The following SLC24A2 variants were observed in gnomAD, a reference collection of about 807,000 sequenced individuals.
SLC24A2 encodes sodium/potassium/calcium exchanger 2.
In SLC24A2, 36 loss-of-function variants were observed where a neutral mutation model predicts 62.0. That is an observed-to-expected ratio of 0.58 (90% confidence interval 0.44 to 0.77). SLC24A2 has a LOEUF of 0.77. SLC24A2 is among the 30% of genes least tolerant of loss of function. The pLI is 0.00. For missense variants in SLC24A2, 846 were observed against 817.9 expected (o/e 1.03, Z -0.42); for synonymous variants, 358 against 294.0 (o/e 1.22, Z -2.23).
chr9:19,627,361 G>A (rs995347654), intron 2 of SLC24A2, among the ~76,000 whole-genome samples: 8 of 152,120 alleles, frequency 5.3e-5, no homozygotes, highest in Admixed American at 2.6e-4. Flanking sequence ...AGATATCTTC[G>A]CCAATATGGA....
At chr9:20,057,295 C>A in the SLC24A2 span, among the ~76,000 whole-genome samples, 1 of 152,156 alleles carries the variant, frequency 6.6e-6, no homozygotes, top group Non-Finnish European at 1.5e-5. Flanking sequence ...ATTAGTAACC[C>A]ATTCCCTAAT....
At chr9:20,184,027 G>A in the SLC24A2 span, among the ~76,000 whole-genome samples, 14,647 of 152,038 alleles carry the variant, frequency 0.096, 876 homozygotes, top group Non-Finnish European at 0.14. Flanking sequence ...TCTGATAAGG[G>A]GTTAATACAC....
At chr9:20,281,631 T>C in the SLC24A2 span, among the ~76,000 whole-genome samples, 8 of 152,250 alleles carry the variant, frequency 5.3e-5, no homozygotes, top group Non-Finnish European at 8.8e-5. Context: ...GTCAGATTTA[T>C]CCATAATGTT....
chr9:20,161,537 A>G, the SLC24A2 span, among the ~76,000 whole-genome samples: 1 of 151,402 alleles, frequency 6.6e-6, no homozygotes, highest in Admixed American at 6.6e-5. Context: ...TTATCAAGTG[A>G]GGTTTATCTA....
the SLC24A2 span, among the ~76,000 whole-genome samples, chr9:19,850,035 T>TTG: frequency 1.3e-5 from 2 of 151,368 alleles, no homozygotes; most frequent in Admixed American, 6.6e-5. Flanking sequence ...TTTTTTTTTT[T>TTG]GTAGGATGAA....
intron 2 of SLC24A2, among the ~76,000 whole-genome samples, chr9:19,666,596 G>A (rs1819260373): frequency 6.6e-6 from 1 of 152,140 alleles, no homozygotes; most frequent in African/African-American, 2.4e-5. Context: ...TATTTTTAGT[G>A]CAGAGTTTAG....
the SLC24A2 span, among the ~76,000 whole-genome samples, chr9:20,243,720 A>G: frequency 6.6e-6 from 1 of 152,224 alleles, no homozygotes; most frequent in Non-Finnish European, 1.5e-5. Flanking sequence ...ATAAAAGGAA[A>G]GCAGAGCAAA....
At chr9:20,092,935 G>C in the SLC24A2 span, among the ~76,000 whole-genome samples, 4 of 152,058 alleles carry the variant, frequency 2.6e-5, no homozygotes, top group Non-Finnish European at 5.9e-5. Context: ...GTGATATATG[G>C]CAAATAGTTT....
chr9:20,105,540 A>G, the SLC24A2 span, among the ~76,000 whole-genome samples: 294 of 152,114 alleles, frequency 1.9e-3, no homozygotes, highest in African/African-American at 6.7e-3. Flanking sequence ...CAGGATTAAG[A>G]ATCTCACTCA....
chr9:19,770,230 C>A (rs1822643471), intron 2 of SLC24A2, among the ~76,000 whole-genome samples: 1 of 151,794 alleles, frequency 6.6e-6, no homozygotes. Flanking sequence ...GATCTTCTGG[C>A]ATCTATTTGG....
chr9:19,511,643 TA>T lies in SLC24A2; in HGVS notation c.*4509del, dbSNP rs1016684408. 2 of 152,166 alleles carry T rather than the reference TA, an allele frequency of 1.3e-5. No individual in the cohort carries two copies. Among genetic ancestry groups the T allele is most frequent in the Non-Finnish European group, 2.9e-5 (2 of 68,034 alleles). 9.4% of individuals were successfully genotyped at this position (152,166 alleles called of 1,614,324 possible). Reference sequence around the variant, plus strand: ...GTATAGGGGTTGAGGAGGTATCTTTTAAAAATATTAAGCCGGATCGTTAAGG... The same window carrying T: ...GTATAGGGGTTGAGGAGGTATCTTTTAAAATATTAAGCCGGATCGTTAAGG... On this transcript the variant is annotated 3_prime_UTR_variant, in exon 11 of 11. Coordinates refer to ENST00000341998, the MANE Select transcript of SLC24A2 (RefSeq NM_020344.4).
chr9:19,982,720 A>G, the SLC24A2 span, among the ~76,000 whole-genome samples: 1 of 152,178 alleles, frequency 6.6e-6, no homozygotes, highest in Non-Finnish European at 1.5e-5. Context: ...AAGCCAGACA[A>G]AGACAATAAA....
At chr9:19,597,414 C>T (rs1253379828) in intron 4 of SLC24A2, 135 bp from the exon 5 acceptor site, 2 of 701,634 alleles carry the variant, frequency 2.9e-6, no homozygotes, top group Admixed American at 4.3e-5. Context: ...TGGAGATGTG[C>T]AAACATGGGC....
At chr9:19,862,753 T>A in the SLC24A2 span, among the ~76,000 whole-genome samples, 1 of 152,036 alleles carries the variant, frequency 6.6e-6, no homozygotes, top group African/African-American at 2.4e-5. Context: ...CAAACGGTGT[T>A]AAGTTGTTAT....
chr9:20,288,932 G>C, the SLC24A2 span, among the ~76,000 whole-genome samples: 1 of 152,074 alleles, frequency 6.6e-6, no homozygotes, highest in South Asian at 2.1e-4. Context: ...GACAGCATCA[G>C]AGAATGTCTC....
chr9:20,050,898 A>G, the SLC24A2 span, among the ~76,000 whole-genome samples: 2 of 152,214 alleles, frequency 1.3e-5, no homozygotes, highest in East Asian at 1.9e-4. Flanking sequence ...AAAAATAATT[A>G]AAGGGTGTAT....
intron 2 of SLC24A2, among the ~76,000 whole-genome samples, chr9:19,733,820 C>T (rs1356841944): frequency 3.3e-5 from 5 of 152,030 alleles, no homozygotes; most frequent in Non-Finnish European, 7.3e-5. Context: ...CTTCTCTGGG[C>T]CAAACCTTTG....
chr9:19,821,568 C>G, the SLC24A2 span, among the ~76,000 whole-genome samples: 1 of 152,036 alleles, frequency 6.6e-6, no homozygotes, highest in Non-Finnish European at 1.5e-5. Context: ...ATGATCCAGG[C>G]CAAGATTTAA....
At chr9:19,680,365 G>A (rs1409196003) in intron 2 of SLC24A2, among the ~76,000 whole-genome samples, 1 of 152,098 alleles carries the variant, frequency 6.6e-6, no homozygotes. Flanking sequence ...AGAGAAGAGT[G>A]TGGCTCAGAT....
Sources: allele counts gnomAD v4.1 joint callset (sites outside exome capture counted in the v4.1 genomes callset), GRCh38; gene constraint gnomAD v4.1.1; transcripts MANE v1.5; gene names NCBI Gene and HGNC (gene_info 2026-07-23, HGNC 2026-07-21).